The following STAT1 variants were observed in gnomAD, a reference collection of about 807,000 sequenced individuals.
STAT1 encodes signal transducer and activator of transcription 1, also known as signal transducer and activator of transcription 1-alpha/beta.
STAT1 carries 24 observed loss-of-function variants against 111.7 expected under a neutral mutation model. The ratio of observed to expected loss-of-function variants is 0.21; its 90% CI spans 0.16 to 0.30. The LOEUF (loss-of-function observed/expected upper bound fraction) is 0.30. Ranked by LOEUF, STAT1 falls within the 10% of genes least tolerant of loss-of-function variation. The probability of loss-of-function intolerance (pLI) is 1.00; values close to 1 mark genes in which losing one functional copy is unlikely to be tolerated. For synonymous variants in STAT1, 332 were observed against 326.5 expected (o/e 1.02, Z -0.18); for missense variants, 351 against 911.9 (o/e 0.38, Z 7.92).
In STAT1 at chr2:190,998,523, G is replaced by A. The variant is rs759453604; in HGVS notation, c.542-215C>T. Among the ~76,000 whole-genome samples, 1 of 152,002 alleles carries A rather than the reference G, an allele frequency of 6.6e-6. No individual in the cohort carries two copies. The highest frequency in any genetic ancestry group is 2.4e-5 in the African/African-American group (1 of 41,396). ...ACTTGTTTTCAAAAATTAGCCGGGC[G>A]CAGTGGCAGACGCCTGTAGTCCCAG... On this transcript the variant is annotated intron_variant, in intron 7 of 24. Transcript: ENST00000361099. This position sits in a 1 kb window ranked among gnomAD's most constrained non-coding sequence, Gnocchi z 4.1.
rs770281025 is a variant in STAT1 at position 190,976,875 on chromosome 2, T to A, written c.2024A>T (p.His675Leu). The A allele has an allele frequency of 1.2e-6, 2 of 1,614,100 alleles. No homozygotes were observed. Among genetic ancestry groups the A allele is most frequent in the African/African-American group, 2.7e-5 (2 of 74,934 alleles). The change falls in exon 22 of 25, where the codon CAT (histidine) becomes CTT (leucine). Residue 675 changes from histidine (H) to leucine (L), a missense_variant. By Grantham distance (99) the His-to-Leu change is moderately conservative. This residue lies in a region of STAT1 where 181 missense variants were observed against 426.1 expected (regional missense o/e 0.42). Coordinates refer to ENST00000361099, the MANE Select transcript of STAT1 (RefSeq NM_007315.4). The surrounding 1 kb of genome is among the most constrained non-coding windows in gnomAD (Gnocchi z 6.0). ...KYLYPNIDKD[H>L]AFGKYYSRPK... Reference sequence around the variant, plus strand: ...CCTGGAGTAATACTTTCCAAAGGCATGGTCTTTGTCAATATTTGGATACAG... The same window carrying A: ...CCTGGAGTAATACTTTCCAAAGGCAAGGTCTTTGTCAATATTTGGATACAG...
At chr2:191,010,441 G>T (rs909295245) in intron 2 of STAT1, 5 of 467,242 alleles carry the variant, frequency 1.1e-5, no homozygotes, top group African/African-American at 1.0e-4. Context: ...TCTGTGCACT[G>T]GTGTATCCCT....
In STAT1 at chr2:190,975,660, T is replaced by C. The variant is rs1691851227; in HGVS notation, c.2135+152A>G. The C allele has an allele frequency of 6.7e-7, 1 of 1,485,370 alleles. No individual in the cohort carries two copies. Among genetic ancestry groups the C allele is most frequent in the South Asian group, 1.3e-5 (1 of 75,094 alleles). 92.0% of individuals were successfully genotyped at this position (1,485,370 alleles called of 1,614,324 possible). On this transcript the variant is annotated intron_variant, in intron 23 of 24. Coordinates refer to ENST00000361099, the MANE Select transcript of STAT1 (RefSeq NM_007315.4). The surrounding 1 kb of genome is among the most constrained non-coding windows in gnomAD (Gnocchi z 5.9). ...TTTTTTTAAAGTAGTAAAATGCTGA[T>C]AGGCAGTAACACGGGGATCTCAACA...
Position 190,973,362 on chromosome 2 carries a change from G to A in STAT1, c.2238+1468C>T, listed in dbSNP as rs1389993459. Among the ~76,000 whole-genome samples the A allele has an allele frequency of 6.6e-6, 1 of 152,160 alleles. No individual in the cohort carries two copies. The highest frequency in any genetic ancestry group is 1.5e-5 in the Non-Finnish European group (1 of 68,024). ...TACATAAAAGGGGCTGTGTGGGGAG[G>A]AGGGGCTCTGTTCCCACATCTGTCA... On this transcript the variant is annotated intron_variant, in intron 24 of 24. Coordinates refer to ENST00000361099, the MANE Select transcript of STAT1 (RefSeq NM_007315.4). The surrounding 1 kb of genome is among the most constrained non-coding windows in gnomAD (Gnocchi z 4.4).
At chr2:190,992,049 T>C (rs1693389150) in intron 10 of STAT1, among the ~76,000 whole-genome samples, 1 of 152,212 alleles carries the variant, frequency 6.6e-6, no homozygotes, top group South Asian at 2.1e-4. Context: ...TTCCAATAAG[T>C]ACGATATTTA....
chr2:191,010,755 G>T (rs909303714), intron 2 of STAT1, among the ~76,000 whole-genome samples: 1 of 152,122 alleles, frequency 6.6e-6, no homozygotes, highest in African/African-American at 2.4e-5. Context: ...GCATAAAGAA[G>T]TAATGATTTT....
At position 191,013,589 on chromosome 2, in the gene STAT1, T is replaced by G; in HGVS notation, c.-66A>C. 1 of 398,518 alleles carries G rather than the reference T, an allele frequency of 2.5e-6. No individual in the cohort carries two copies. Among genetic ancestry groups the G allele is most frequent in the East Asian group, 3.6e-5 (1 of 28,074 alleles). The allele number at this position is 398,518 out of a possible 1,614,324, so 24.7% of individuals were successfully genotyped here. ...CAAAGGAGCAGCTACGCACAGCACG[T>G]TAGGTGCCAAGACTGTCGAGGTTAT... On this transcript the variant is annotated 5_prime_UTR_variant, in exon 2 of 25. Transcript: ENST00000361099.
Position 190,999,022 on chromosome 2 carries a change from C to G in STAT1, c.541+604G>C, listed in dbSNP as rs1295236431. On this transcript the variant is annotated intron_variant, in intron 7 of 24. Coordinates refer to ENST00000361099, the MANE Select transcript of STAT1 (RefSeq NM_007315.4). This position sits in a 1 kb window ranked among gnomAD's most constrained non-coding sequence, Gnocchi z 4.1. ...CCCCAGATGATGAATAGAGTAACAG[C>G]AGTACCCTACGTGTCCTACACAATG... Among the ~76,000 whole-genome samples the G allele has an allele frequency of 6.6e-6, 1 of 152,174 alleles. No homozygotes were observed. Among genetic ancestry groups the G allele is most frequent in the Non-Finnish European group, 1.5e-5 (1 of 68,026 alleles).
At chr2:190,985,437 A>AT (rs1692728670) in intron 15 of STAT1, among the ~76,000 whole-genome samples, 182 bp downstream of exon 15, 1 of 152,224 alleles carries the variant, frequency 6.6e-6, no homozygotes, top group African/African-American at 2.4e-5. Context: ...GTTTGACAAT[A>AT]GTAAAGCACA....
At chr2:190,992,771 T>C (rs1574654836) in intron 10 of STAT1, 1 of 664,492 alleles carries the variant, frequency 1.5e-6, no homozygotes, top group Admixed American at 3.7e-5. Context: ...TGGAACACAG[T>C]TCTACATTCA....
At chr2:191,011,953 G>A (rs973778258) in intron 2 of STAT1, among the ~76,000 whole-genome samples, 1 of 151,844 alleles carries the variant, frequency 6.6e-6, no homozygotes, top group African/African-American at 2.4e-5. Context: ...CTCTCGTTAT[G>A]TTTCTGAGGC....
chr2:190,975,063 C>T lies in STAT1; in HGVS notation c.2136-131G>A, dbSNP rs766109063. 1.9e-5 allele frequency: 15 copies of T among 800,032 alleles called. No homozygotes were observed. The highest frequency in any genetic ancestry group is 3.2e-5 in the Non-Finnish European group (15 of 465,782). The allele number at this position is 800,032 out of a possible 1,614,324, so 49.6% of individuals were successfully genotyped here. ...TATTTTTATTTTGGGTAAGTGCATACACTTGTAAAATACATTTGCAAAAGT... is the reference window on the plus strand; with the variant it reads ...TATTTTTATTTTGGGTAAGTGCATATACTTGTAAAATACATTTGCAAAAGT... On this transcript the variant is annotated intron_variant, in intron 23 of 24. Transcript: ENST00000361099. The surrounding 1 kb of genome is among the most constrained non-coding windows in gnomAD (Gnocchi z 5.9).
rs887657391 is a variant in STAT1 at position 191,000,192 on chromosome 2, T to G, written c.463-488A>C. Among the ~76,000 whole-genome samples, 1 of 152,260 alleles carries G rather than the reference T, an allele frequency of 6.6e-6. No homozygotes were observed. The highest frequency in any genetic ancestry group is 1.9e-4 in the East Asian group (1 of 5,204). On this transcript the variant is annotated intron_variant, in intron 6 of 24. Transcript: ENST00000361099. The surrounding 1 kb of genome is among the most constrained non-coding windows in gnomAD (Gnocchi z 4.8). ...TTGGCGGCTCAAATGCATCTCCATC[T>G]GGACAATAAATTGTATGTTCATTCT...
chr2:190,978,702 G>T lies in STAT1; in HGVS notation c.1873+154C>A. On this transcript the variant is annotated intron_variant, in intron 21 of 24. Transcript: ENST00000361099. This position sits in a 1 kb window ranked among gnomAD's most constrained non-coding sequence, Gnocchi z 6.1. ...ACCACAACCACAAACATTTGTGGTGGTTTATTAAATCCTATCGGGGGCTCA... is the reference window on the plus strand; with the variant it reads ...ACCACAACCACAAACATTTGTGGTGTTTTATTAAATCCTATCGGGGGCTCA... 2.1e-6 allele frequency: 2 copies of T among 934,282 alleles called. No individual in the cohort carries two copies. Among genetic ancestry groups the T allele is most frequent in the Non-Finnish European group, 3.3e-6 (2 of 604,010 alleles). 57.9% of individuals were successfully genotyped at this position (934,282 alleles called of 1,614,324 possible).
chr2:190,975,101 A>G lies in STAT1; in HGVS notation c.2136-169T>C, dbSNP rs1691805115. 6.6e-6 allele frequency among the ~76,000 whole-genome samples: 1 copy of G among 152,202 alleles called. No individual in the cohort carries two copies. The highest frequency in any genetic ancestry group is 1.5e-5 in the Non-Finnish European group (1 of 68,042). The stretch of plus-strand genomic sequence containing the variant: ...CATTTGCAAAAGTACAGCTCATGGG[A>G]GGCTCATGTCCCCAGCCCAGCCCCT... On this transcript the variant is annotated intron_variant, in intron 23 of 24. Transcript: ENST00000361099. The surrounding 1 kb of genome is among the most constrained non-coding windows in gnomAD (Gnocchi z 5.9).
At position 191,006,868 on chromosome 2, in the gene STAT1, T is replaced by C. The variant is rs1694739594; in HGVS notation, c.372+695A>G. Among the ~76,000 whole-genome samples the C allele has an allele frequency of 6.6e-6, 1 of 152,244 alleles. No individual in the cohort carries two copies. Among genetic ancestry groups the C allele is most frequent in the South Asian group, 2.1e-4 (1 of 4,834 alleles). On this transcript the variant is annotated intron_variant, in intron 5 of 24. Coordinates refer to ENST00000361099, the MANE Select transcript of STAT1 (RefSeq NM_007315.4). This position sits in a 1 kb window ranked among gnomAD's most constrained non-coding sequence, Gnocchi z 4.6. ...TGCCTTGAATATTTAATAGGTATCT[T>C]GATGTTGCTCAAAACAAAGCCCTTG...
At position 191,003,854 on chromosome 2, in the gene STAT1, C is replaced by T. The variant is rs1297559350; in HGVS notation, c.373-2691G>A. Among the ~76,000 whole-genome samples, 6 of 152,160 alleles carry T rather than the reference C, an allele frequency of 3.9e-5. No individual in the cohort carries two copies. Among genetic ancestry groups the T allele is most frequent in the African/African-American group, 7.2e-5 (3 of 41,424 alleles). ...GGGCTTTGTAACAGCTGGGACACTA[C>T]ACCTAGAGAGAGGGACCAGGCCACT... On this transcript the variant is annotated intron_variant, in intron 5 of 24. Transcript: ENST00000361099. The surrounding 1 kb of genome is among the most constrained non-coding windows in gnomAD (Gnocchi z 4.0).
At position 190,979,165 on chromosome 2, in the gene STAT1, T is replaced by C. The variant is rs1027186926; in HGVS notation, c.1728-164A>G. On this transcript the variant is annotated intron_variant, in intron 20 of 24. Transcript: ENST00000361099. This position sits in a 1 kb window ranked among gnomAD's most constrained non-coding sequence, Gnocchi z 5.8. ...GTTCAGTTGACACTTAAGGAAGCAT[T>C]TCACTTATACATGTATATACTAAGG... 6.6e-6 allele frequency among the ~76,000 whole-genome samples: 1 copy of C among 152,208 alleles called. No individual in the cohort carries two copies. The highest frequency in any genetic ancestry group is 2.4e-5 in the African/African-American group (1 of 41,458).
chr2:190,984,620 A>G lies in STAT1; in HGVS notation c.1264-227T>C, dbSNP rs1304027425. ...CGGCAAGGGTTATAGATTCAGAGCA[A>G]TGATTGTCAATGGGGAAAGAGCAAC... On this transcript the variant is annotated intron_variant, in intron 15 of 24. Coordinates refer to ENST00000361099, the MANE Select transcript of STAT1 (RefSeq NM_007315.4). The surrounding 1 kb of genome is among the most constrained non-coding windows in gnomAD (Gnocchi z 5.2). Among the ~76,000 whole-genome samples the G allele has an allele frequency of 1.3e-5, 2 of 152,158 alleles. No homozygotes were observed. The highest frequency in any genetic ancestry group is 1.3e-4 in the Admixed American group (2 of 15,284).
Sources: gnomAD v4.1 joint callset for allele counts (sites outside exome capture counted in the v4.1 genomes callset) on GRCh38, gnomAD v4.1.1 for gene constraint, gnomAD v4.1.1 regional missense constraint, Gnocchi (gnomAD v3.1) non-coding constraint, MANE v1.5 for transcripts, NCBI Gene and HGNC (gene_info 2026-07-23, HGNC 2026-07-21) for gene names.